Variants in PCNX2 observed in about 807,000 individuals in gnomAD.
PCNX2 encodes pecanex 2, also known as pecanex-like protein 2.
Under a neutral mutation model 223.8 loss-of-function variants are expected in PCNX2, and 168 were observed. The ratio of observed to expected loss-of-function variants is 0.75; its 90% CI spans 0.66 to 0.85. The LOEUF (loss-of-function observed/expected upper bound fraction) is 0.85, where lower values mean the gene tolerates loss of function less well. Ranked by LOEUF, PCNX2 falls within the 40% of genes least tolerant of loss-of-function variation. The pLI is 0.00. For synonymous variants in PCNX2, 1,006 were observed against 1,052.6 expected (o/e 0.96, Z 0.86); for missense variants, 2,507 against 2,675.5 (o/e 0.94, Z 1.39).
At chr1:233,211,265 C>T (rs985042581) in intron 12 of PCNX2, among the ~76,000 whole-genome samples, 1 of 152,058 alleles carries the variant, frequency 6.6e-6, no homozygotes, top group Non-Finnish European at 1.5e-5. Flanking sequence ...GGCTTCATTC[C>T]CTGGGACAGA....
At chr1:233,286,046 A>C (rs1246166806) in intron 1 of PCNX2, among the ~76,000 whole-genome samples, 1 of 152,206 alleles carries the variant, frequency 6.6e-6, no homozygotes, top group Non-Finnish European at 1.5e-5. Context: ...TTCCAATGCA[A>C]ATTTCTGGGA....
chr1:233,251,347 T>TG (rs1659440413), intron 7 of PCNX2, among the ~76,000 whole-genome samples: 1 of 152,164 alleles, frequency 6.6e-6, no homozygotes, highest in Non-Finnish European at 1.5e-5. Context: ...TGTCAGTCTG[T>TG]TAATGAGGAA....
the PCNX2 span, among the ~76,000 whole-genome samples, chr1:233,304,851 T>C: frequency 2.7e-4 from 41 of 152,350 alleles, no homozygotes; most frequent in African/African-American, 9.1e-4. Flanking sequence ...AAGATCACCT[T>C]CATATCTTGT....
the PCNX2 span, among the ~76,000 whole-genome samples, chr1:233,309,084 G>T: frequency 6.6e-6 from 1 of 151,856 alleles, no homozygotes; most frequent in Non-Finnish European, 1.5e-5. Context: ...ATGTTGGGTG[G>T]GTGTGTGATA....
chr1:233,153,786 G>A lies in PCNX2; in HGVS notation c.3517+6497C>T, dbSNP rs1677957858. Among the ~76,000 whole-genome samples the A allele has an allele frequency of 2.0e-5, 3 of 152,222 alleles. No homozygotes were observed. In the South Asian group the frequency reaches 6.2e-4, roughly 32 times the overall value. On this transcript the variant is annotated intron_variant, in intron 19 of 33. Coordinates refer to ENST00000258229, the MANE Select transcript of PCNX2 (RefSeq NM_014801.4). Reference sequence around the variant, plus strand: ...AAAATCAGAAATGGGGCAGGAGGGTGGAGTTGACAGGAATCTGCTGCTTTT... The same window carrying A: ...AAAATCAGAAATGGGGCAGGAGGGTAGAGTTGACAGGAATCTGCTGCTTTT...
chr1:232,988,961 T>C (rs1215240582), intron 32 of PCNX2, among the ~76,000 whole-genome samples: 4 of 152,272 alleles, frequency 2.6e-5, no homozygotes, highest in African/African-American at 9.6e-5. Context: ...AGGAGTTCTG[T>C]CTGTGAGGTC....
chr1:233,124,291 T>C (rs1675976729), intron 21 of PCNX2, among the ~76,000 whole-genome samples: 1 of 152,160 alleles, frequency 6.6e-6, no homozygotes, highest in South Asian at 2.1e-4. Flanking sequence ...GAATTGATGT[T>C]ATTATGGGGG....
chr1:233,250,796 T>C lies in PCNX2; in HGVS notation c.2165A>G (p.Gln722Arg). The change falls in exon 8 of 34, where the codon CAG becomes CGG. Residue 722 changes from glutamine (Q) to arginine (R), a missense_variant. Transcript: ENST00000258229. ...TAGAGGCTGTAAAGGGCCTTCTTTC[T>C]GATTTCCAGATTTTAAATAACAGGA... The part of the protein sequence containing the change: ...IRSCYLKSGN[Q>R]KEGPLQPLPS... The C allele has an allele frequency of 6.2e-7, 1 of 1,604,576 alleles. No homozygotes were observed. The highest frequency in any genetic ancestry group is 8.5e-7 in the Non-Finnish European group (1 of 1,175,186).
intron 2 of PCNX2, among the ~76,000 whole-genome samples, chr1:233,262,388 A>T (rs2102999867): frequency 6.6e-6 from 1 of 152,112 alleles, no homozygotes; most frequent in Admixed American, 6.6e-5. Context: ...AAGCTCCTGG[A>T]CTCAAGTGAT....
At chr1:233,043,074 G>A (rs1671700339) in intron 25 of PCNX2, among the ~76,000 whole-genome samples, 1 of 152,154 alleles carries the variant, frequency 6.6e-6, no homozygotes, top group Non-Finnish European at 1.5e-5. Context: ...AACGCCTTCT[G>A]CTTTCTGTTC....
intron 19 of PCNX2, among the ~76,000 whole-genome samples, chr1:233,148,885 A>T (rs1677628936): frequency 6.6e-6 from 1 of 152,374 alleles, no homozygotes; most frequent in East Asian, 1.9e-4. Flanking sequence ...TGTAAGAAGA[A>T]GCTAAAACAA....
At chr1:233,057,167 C>A (rs939224943) in intron 24 of PCNX2, 65 bp downstream of exon 24, 1 of 1,327,442 alleles carries the variant, frequency 7.5e-7, no homozygotes, top group Non-Finnish European at 1.1e-6. Flanking sequence ...GTATTTAATT[C>A]TTCCTTTTGA....
intron 17 of PCNX2, among the ~76,000 whole-genome samples, chr1:233,166,732 A>T (rs1327352946): frequency 6.6e-6 from 1 of 152,224 alleles, no homozygotes; most frequent in East Asian, 1.9e-4. Flanking sequence ...CAAAGCCACC[A>T]AAAAGCAGAT....
At chr1:233,017,552 G>C (rs946121724) in intron 26 of PCNX2, among the ~76,000 whole-genome samples, 4 of 151,974 alleles carry the variant, frequency 2.6e-5, no homozygotes, top group African/African-American at 9.7e-5. Flanking sequence ...TCCTGACCTC[G>C]TGATCCGCCC....
chr1:233,033,124 T>C, intron 25 of PCNX2: 1 of 985,458 alleles, frequency 1.0e-6, no homozygotes, highest in South Asian at 4.7e-5. Flanking sequence ...CTGGCAAGGC[T>C]GTCTCTGTCT....
In PCNX2 at chr1:232,984,409, A is replaced by T; in HGVS notation, c.6309T>A (p.Ala2103=). The change falls in exon 34 of 34, where the codon GCT becomes GCA. Residue 2103 remains alanine (A), a synonymous_variant. Coordinates refer to ENST00000258229, the MANE Select transcript of PCNX2 (RefSeq NM_014801.4). The part of the protein sequence containing the change: ...EQGQLHDRCL[A]EAVADTLGVV... ...CCCCGAGAGTGTCCGCCACAGCCTC[A>T]GCCAGACATCGGTCATGAAGCTGCC... 6.2e-7 allele frequency: 1 copy of T among 1,613,722 alleles called. No individual in the cohort carries two copies. Among genetic ancestry groups the T allele is most frequent in the Non-Finnish European group, 8.5e-7 (1 of 1,179,848 alleles).
rs1321873451 is a variant in PCNX2, at chr1:233,090,054, A to T, written c.4076+7T>A. Reference sequence around the variant, plus strand: ...AAAGCAATTGAGCACTGATTTTAGGATCTTACTTGTAGTTTTTCTCCCAGA... The same window carrying T: ...AAAGCAATTGAGCACTGATTTTAGGTTCTTACTTGTAGTTTTTCTCCCAGA... On this transcript the variant is annotated splice_region_variant and intron_variant, in intron 23 of 33. Coordinates refer to ENST00000258229, the MANE Select transcript of PCNX2 (RefSeq NM_014801.4). The T allele has an allele frequency of 1.9e-6, 3 of 1,613,598 alleles. No individual in the cohort carries two copies. The African/African-American group carries it at 4.0e-5, about 22-fold the overall frequency.
chr1:233,235,949 T>TAAAA (rs776690895), intron 9 of PCNX2, among the ~76,000 whole-genome samples: 1,158 of 104,550 alleles, frequency 0.011, 20 homozygotes, highest in African/African-American at 0.029. Context: ...AAAGCAATCA[T>TAAAA]AAAAAAAAAT....
chr1:233,167,402 G>A (rs1203278492), intron 17 of PCNX2, among the ~76,000 whole-genome samples: 1 of 152,036 alleles, frequency 6.6e-6, no homozygotes, highest in African/African-American at 2.4e-5. Context: ...AGTTAACATG[G>A]GCATGGGGGA....
Sources: allele counts gnomAD v4.1 joint callset (sites outside exome capture counted in the v4.1 genomes callset), GRCh38; gene constraint gnomAD v4.1.1; transcripts MANE v1.5; gene names NCBI Gene and HGNC (gene_info 2026-07-23, HGNC 2026-07-21).